The following EIF2B2 variants were observed in gnomAD, a reference collection of about 807,000 sequenced individuals.
EIF2B2 encodes eukaryotic translation initiation factor 2B subunit beta.
In EIF2B2, 34 loss-of-function variants were observed where a neutral mutation model predicts 34.7. That is an observed-to-expected ratio of 0.98 (90% CI 0.75 to 1.31). The LOEUF is 1.31. Ranked by LOEUF, EIF2B2 falls within the 50% of genes most tolerant of loss-of-function variation. The pLI, the probability that EIF2B2 is intolerant of heterozygous loss-of-function variation, is 0.00. For missense variants in EIF2B2, 361 were observed against 447.7 expected (o/e 0.81, Z 1.75); for synonymous variants, 155 against 171.6 (o/e 0.90, Z 0.76).
At chr14:75,004,665 T>C (rs1889591732) in intron 3 of EIF2B2, 72 bp from the exon 4 acceptor site, 1 of 307,716 alleles carries the variant, frequency 3.2e-6, no homozygotes, top group Non-Finnish European at 4.3e-6. Context: ...TATAGCAATT[T>C]CATATATATA....
In EIF2B2 at chr14:75,003,084, G is replaced by T. The variant is rs957633719; in HGVS notation, c.94G>T (p.Glu32Ter). 6.2e-7 allele frequency: 1 copy of T among 1,614,042 alleles called. No homozygotes were observed. The highest frequency in any genetic ancestry group is 8.5e-7 in the Non-Finnish European group (1 of 1,179,994). ...LKRGGGPRSS[E>*]EMARETLGLL... is the part of the protein sequence containing the mutation. The stretch of plus-strand genomic sequence containing the variant: ...GCGGGGTGGTGGGCCGCGCAGCTCC[G>T]AGGAAATGGCTCGGGAGACCCTAGG... Residue 32 changes from glutamate to a stop codon, truncating the protein, a stop_gained, in exon 1 of 8, where the codon GAG becomes TAG. Transcript: ENST00000266126. LOFTEE classifies it high-confidence loss of function.
Position 75,004,794 on chromosome 14 carries a change from T to C in EIF2B2, c.491T>C (p.Val164Ala), listed in dbSNP as rs11628782. Residue 164 changes from valine to alanine, a missense_variant, in exon 4 of 8, where the codon GTG becomes GCG. Val to Ala is a moderately conservative substitution (Grantham distance 64). Transcript: ENST00000266126. ...QALEHIHSNE[V>A]IMTIGFSRTV... ...CTGGAGCACATTCACTCCAATGAGG[T>C]GATCATGACCATTGGCTTCTCCCGA... 1 of 1,600,628 alleles carries C rather than the reference T, an allele frequency of 6.2e-7. No homozygotes were observed. The highest frequency in any genetic ancestry group is 8.5e-7 in the Non-Finnish European group (1 of 1,175,034).
rs1318049227 is a variant in EIF2B2 at position 75,006,865 on chromosome 14, C to T, written c.831+151C>T. ...ACACCCAGTGGAGGCTGGAAAGAAC[C>T]ACAGAAGTCTTGATTCAGTAAAACA... On this transcript the variant is annotated intron_variant, in intron 6 of 7. Coordinates refer to ENST00000266126, the MANE Select transcript of EIF2B2 (RefSeq NM_014239.4). The surrounding 1 kb of genome is among the most constrained non-coding windows in gnomAD (Gnocchi z 4.1). The T allele has an allele frequency of 6.0e-6, 7 of 1,163,790 alleles. No homozygotes were observed. In the East Asian group the frequency reaches 1.6e-4, roughly 27 times the overall value. The allele number at this position is 1,163,790 out of a possible 1,614,324, so 72.1% of individuals were successfully genotyped here.
At chr14:75,007,923 C>A in intron 7 of EIF2B2, 135 bp downstream of exon 7, 1 of 811,848 alleles carries the variant, frequency 1.2e-6, no homozygotes, top group African/African-American at 1.7e-5. Flanking sequence ...TATCATACTT[C>A]TTGTGGGGAC....
At position 75,011,237 on chromosome 14, in the gene EIF2B2, G is replaced by A. The variant is rs1206743708; in HGVS notation, c.*2049G>A. 1 of 152,172 alleles carries A rather than the reference G, an allele frequency of 6.6e-6. No individual in the cohort carries two copies. Among genetic ancestry groups the A allele is most frequent in the Admixed American group, 6.5e-5 (1 of 15,280 alleles). 9.4% of individuals were successfully genotyped at this position (152,172 alleles called of 1,614,324 possible). A position where few individuals can be genotyped will look rare whatever the true frequency, so the allele number is the denominator to read the frequency against. ...TTATATGTACACGCATAGGGAAACAGTATAGAAGTATAATACCAAGCACAG... is the reference window on the plus strand; with the variant it reads ...TTATATGTACACGCATAGGGAAACAATATAGAAGTATAATACCAAGCACAG... On this transcript the variant is annotated 3_prime_UTR_variant, in exon 8 of 8. Transcript: ENST00000266126.
chr14:75,007,863 T>C (rs900027094), intron 7 of EIF2B2, 75 bp downstream of exon 7: 159 of 1,394,598 alleles, frequency 1.1e-4, no homozygotes, highest in African/African-American at 1.1e-3. Flanking sequence ...TTTTGGTCTT[T>C]TTGTTGTTTT....
intron 6 of EIF2B2, chr14:75,007,167 A>G: frequency 4.6e-6 from 2 of 432,616 alleles, no homozygotes; most frequent in Non-Finnish European, 9.2e-6. Flanking sequence ...ATAGGTCTCT[A>G]TTTTTTAAAT....
chr14:75,007,488 A>C (rs1889644567), intron 6 of EIF2B2: 1 of 432,886 alleles, frequency 2.3e-6, no homozygotes, highest in Non-Finnish European at 4.3e-6. Flanking sequence ...GTAATGTCAG[A>C]ATTTCCTTTC....
At chr14:75,007,388 C>G (rs1312099202) in intron 6 of EIF2B2, 2 of 344,768 alleles carry the variant, frequency 5.8e-6, no homozygotes, top group Non-Finnish European at 1.1e-5. Flanking sequence ...ATGGATTTGC[C>G]CATTTTGTAT....
chr14:75,005,902 A>G lies in EIF2B2; in HGVS notation c.634A>G (p.Ile212Val), dbSNP rs761711297. 60 of 1,613,462 alleles carry G rather than the reference A, an allele frequency of 3.7e-5. 1 individual carries two copies. Among genetic ancestry groups the G allele is most frequent in the Non-Finnish European group, 4.8e-5 (57 of 1,179,606 alleles). Residue 212 changes from isoleucine to valine, a missense_variant, in exon 5 of 8, where the codon ATT (isoleucine) becomes GTT (valine). By Grantham distance (29) the Ile-to-Val change is conservative (BLOSUM62 3). Transcript: ENST00000266126. Reference sequence around the variant, plus strand: ...GGCTGTGAATTTGTCCAAAGCAGGTATTGAGACAACTGTCATGACTGATGC... The same window carrying G: ...GGCTGTGAATTTGTCCAAAGCAGGTGTTGAGACAACTGTCATGACTGATGC... ...EMAVNLSKAG[I>V]ETTVMTDAAI...
chr14:75,008,955 C>T, intron 7 of EIF2B2, 76 bp from the exon 8 acceptor site: 1 of 1,599,690 alleles, frequency 6.3e-7, no homozygotes, highest in Non-Finnish European at 8.6e-7. Context: ...CATTCTCGAG[C>T]CTGGAATCTA....
At chr14:75,003,474 A>C in intron 2 of EIF2B2, 77 bp from the exon 3 acceptor site, 1 of 1,613,956 alleles carries the variant, frequency 6.2e-7, no homozygotes, top group African/African-American at 1.3e-5. Flanking sequence ...CGGAGACTTT[A>C]TTGGAGCTGA....
At position 75,003,283 on chromosome 14, in the gene EIF2B2, A is replaced by T. The variant is rs752913982; in HGVS notation, c.172A>T (p.Met58Leu). Residue 58 changes from methionine (M) to leucine (L), a missense_variant, in exon 2 of 8, where the codon ATG becomes TTG. Transcript: ENST00000266126. ...DHRWSNAGEL[M>L]ELIRREGRRM... ...TCTCTTTTGGACTGTAGGGGAGCTG[A>T]TGGAGCTGATCCGCAGAGAGGGCAG... The T allele has an allele frequency of 1.9e-6, 3 of 1,613,570 alleles. No homozygotes were observed. In the South Asian group the frequency reaches 3.3e-5, roughly 18 times the overall value.
intron 3 of EIF2B2, 50 bp from the exon 4 acceptor site, chr14:75,004,687 A>ATG (rs770181233): frequency 8.4e-5 from 9 of 107,678 alleles, no homozygotes; most frequent in African/African-American, 2.8e-4. Context: ...ATATATATAT[A>ATG]TATTTTTTTT....
chr14:75,006,668 C>T lies in EIF2B2; in HGVS notation c.785C>T (p.Ser262Phe). Residue 262 changes from serine (S) to phenylalanine (F), a missense_variant, in exon 6 of 8, where the codon TCC becomes TTC. Coordinates refer to ENST00000266126, the MANE Select transcript of EIF2B2 (RefSeq NM_014239.4). The surrounding 1 kb of genome is among the most constrained non-coding windows in gnomAD (Gnocchi z 4.1). The stretch of plus-strand genomic sequence containing the variant: ...CTGGCACTGGCAGCAAAACACCATT[C>T]CACCCCACTCATCGTCTGTGCACCT... ...HTLALAAKHH[S>F]TPLIVCAPMF... The T allele has an allele frequency of 6.2e-7, 1 of 1,614,206 alleles. No homozygotes were observed. The highest frequency in any genetic ancestry group is 8.5e-7 in the Non-Finnish European group (1 of 1,180,038).
In EIF2B2 at chr14:75,006,743, C is replaced by T. The variant is rs1371115051; in HGVS notation, c.831+29C>T. The T allele has an allele frequency of 6.2e-7, 1 of 1,613,850 alleles. No homozygotes were observed. The highest frequency in any genetic ancestry group is 1.6e-4 in the Middle Eastern group (1 of 6,062). On this transcript the variant is annotated intron_variant, in intron 6 of 7. Transcript: ENST00000266126. This position sits in a 1 kb window ranked among gnomAD's most constrained non-coding sequence, Gnocchi z 4.1. ...AGTGTGTCTGTCTCTAGCTAGAAGC[C>T]AGCAGAAAAGAAGGAAGCCAAAGGG...
At position 75,006,830 on chromosome 14, in the gene EIF2B2, T is replaced by A; in HGVS notation, c.831+116T>A. 7.0e-7 allele frequency: 1 copy of A among 1,431,040 alleles called. No homozygotes were observed. Among genetic ancestry groups the A allele is most frequent in the Non-Finnish European group, 9.8e-7 (1 of 1,025,010 alleles). The allele number at this position is 1,431,040 out of a possible 1,614,324, so 88.6% of individuals were successfully genotyped here. On this transcript the variant is annotated intron_variant, in intron 6 of 7. Transcript: ENST00000266126. This position sits in a 1 kb window ranked among gnomAD's most constrained non-coding sequence, Gnocchi z 4.1. ...AGGGCCTCCATTTATCTGCATTTAC[T>A]CAATGGATTACACCCAGTGGAGGCT... is the stretch of plus-strand genomic sequence containing the variant.
chr14:75,006,734 G>C lies in EIF2B2; in HGVS notation c.831+20G>C, dbSNP rs1418524647. ...CCACAGGTAAGTGTGTCTGTCTCTA[G>C]CTAGAAGCCAGCAGAAAAGAAGGAA... On this transcript the variant is annotated intron_variant, in intron 6 of 7. Transcript: ENST00000266126. This position sits in a 1 kb window ranked among gnomAD's most constrained non-coding sequence, Gnocchi z 4.1. 4 of 1,613,992 alleles carry C rather than the reference G, an allele frequency of 2.5e-6. No individual in the cohort carries two copies. In the Admixed American group the frequency reaches 6.7e-5, roughly 27 times the overall value.
Position 75,003,006 on chromosome 14 carries a change from G to C in EIF2B2, c.16G>C (p.Ala6Pro), listed in dbSNP as rs757868212. 51 of 1,614,060 alleles carry C rather than the reference G, an allele frequency of 3.2e-5. No homozygotes were observed. The highest frequency in any genetic ancestry group is 4.2e-5 in the Non-Finnish European group (50 of 1,180,050). MPGSA[A>P]KGSELSERIE... ...TACCTTAAAGATGCCGGGATCCGCAGCGAAGGGCTCGGAGTTGTCAGAGAG... is the reference window on the plus strand; with the variant it reads ...TACCTTAAAGATGCCGGGATCCGCACCGAAGGGCTCGGAGTTGTCAGAGAG... Residue 6 changes from alanine (A) to proline (P), a missense_variant, in exon 1 of 8, where the codon GCG becomes CCG. Coordinates refer to ENST00000266126, the MANE Select transcript of EIF2B2 (RefSeq NM_014239.4).
Sources: gnomAD v4.1 joint callset for allele counts on GRCh38, gnomAD v4.1.1 for gene constraint, Gnocchi (gnomAD v3.1) non-coding constraint, MANE v1.5 for transcripts, NCBI Gene and HGNC (gene_info 2026-07-23, HGNC 2026-07-21) for gene names.